SGCZ: variants seen among roughly 807,000 people sequenced by gnomAD.
SGCZ encodes the protein zeta-sarcoglycan.
SGCZ carries 40 observed loss-of-function variants against 41.3 expected under a neutral mutation model. The ratio of observed to expected loss-of-function variants is 0.97; its 90% CI spans 0.75 to 1.26. The LOEUF (loss-of-function observed/expected upper bound fraction) is 1.26, where lower values mean the gene tolerates loss of function less well. SGCZ is among the 50% of genes most tolerant of loss of function. The pLI is 0.00. For synonymous variants in SGCZ, 206 were observed against 137.5 expected (o/e 1.50, Z -3.49); for missense variants, 552 against 369.8 (o/e 1.49, Z -4.04).
intron 1 of SGCZ, among the ~76,000 whole-genome samples, chr8:14,963,380 C>T (rs1441397499): frequency 6.6e-6 from 1 of 151,388 alleles, no homozygotes; most frequent in Non-Finnish European, 1.5e-5. Context: ...ACTCTATTGC[C>T]GAGCCTGGAG....
rs183326411 is a variant in SGCZ at position 14,090,109 on chromosome 8, G to A, written c.*334C>T. The A allele has an allele frequency of 4.9e-4, 90 of 182,754 alleles. No homozygotes were observed. The highest frequency in any genetic ancestry group is 2.0e-3 in the African/African-American group (86 of 42,810). The allele number at this position is 182,754 out of a possible 1,614,324, so 11.3% of individuals were successfully genotyped here. A position where few individuals can be genotyped will look rare whatever the true frequency, so the allele number is the denominator to read the frequency against. On this transcript the variant is annotated 3_prime_UTR_variant, in exon 8 of 8. Coordinates refer to ENST00000382080, the MANE Select transcript of SGCZ (RefSeq NM_139167.4). ...AATTTCATTTATGTAATGTATATAT[G>A]TGCAGTTCATATCCAGGTCCTGCAA...
At chr8:14,966,169 G>C (rs993279665) in intron 1 of SGCZ, among the ~76,000 whole-genome samples, 49 of 151,672 alleles carry the variant, frequency 3.2e-4, no homozygotes, top group African/African-American at 1.1e-3. Context: ...CTAGAAAACA[G>C]ATAACCAAAA....
chr8:14,370,420 C>G (rs528375414), intron 2 of SGCZ, among the ~76,000 whole-genome samples: 1 of 151,638 alleles, frequency 6.6e-6, no homozygotes, highest in African/African-American at 2.4e-5. Context: ...AAGCACAACA[C>G]GGTAATTTAT....
chr8:15,078,921 C>T (rs1242251170), intron 1 of SGCZ, among the ~76,000 whole-genome samples: 2 of 151,956 alleles, frequency 1.3e-5, no homozygotes, highest in African/African-American at 4.8e-5. Flanking sequence ...ATTTTCCTTC[C>T]CCCTCAACTT....
intron 1 of SGCZ, among the ~76,000 whole-genome samples, chr8:15,131,593 G>A (rs897243982): frequency 6.6e-6 from 1 of 152,054 alleles, no homozygotes; most frequent in Non-Finnish European, 1.5e-5. Flanking sequence ...TAAATATTCT[G>A]GGTCTTTTTT....
At chr8:14,510,351 G>C (rs537501809) in intron 2 of SGCZ, among the ~76,000 whole-genome samples, 15 of 151,866 alleles carry the variant, frequency 9.9e-5, no homozygotes, top group Admixed American at 7.2e-4. Flanking sequence ...CCTCCCATTG[G>C]AATTAAATTA....
chr8:15,142,662 G>GC, intron 1 of SGCZ, among the ~76,000 whole-genome samples: 2 of 107,586 alleles, frequency 1.9e-5, no homozygotes, highest in East Asian at 2.7e-4. Flanking sequence ...AATGCTTCCC[G>GC]CCCCCACCCC....
intron 4 of SGCZ, among the ~76,000 whole-genome samples, chr8:14,208,915 C>T (rs1454109288): frequency 1.3e-5 from 2 of 152,034 alleles, no homozygotes; most frequent in African/African-American, 4.8e-5. Flanking sequence ...AAGGTAGCCC[C>T]CAAATTATTT....
rs529373959 is a variant in SGCZ at position 15,237,213 on chromosome 8, C to A, written c.39+372G>T. ...TGGCGGCGCAGCTCGGACAACTTTG[C>A]TGGGAAAGCAGGCGACAGCGGGCAG... On this transcript the variant is annotated intron_variant, in intron 1 of 7. Coordinates refer to ENST00000382080, the MANE Select transcript of SGCZ (RefSeq NM_139167.4). Among the ~76,000 whole-genome samples, 19 of 151,926 alleles carry A rather than the reference C, an allele frequency of 1.3e-4. No individual in the cohort carries two copies. In the South Asian group the frequency reaches 3.9e-3, roughly 31 times the overall value.
chr8:14,114,005 CCTT>C (rs1189280536), intron 5 of SGCZ, among the ~76,000 whole-genome samples: 24 of 151,976 alleles, frequency 1.6e-4, no homozygotes, highest in East Asian at 1.9e-4. Flanking sequence ...GCTTGCTTCT[CCTT>C]CTGCCCAGTT....
chr8:14,939,656 A>ATT (rs1800204227), intron 1 of SGCZ, among the ~76,000 whole-genome samples: 2 of 152,174 alleles, frequency 1.3e-5, no homozygotes, highest in Non-Finnish European at 2.9e-5. Context: ...GTATTATCAT[A>ATT]TGTAAATATT....
At chr8:14,819,374 T>C (rs529741040) in intron 1 of SGCZ, among the ~76,000 whole-genome samples, 13 of 152,252 alleles carry the variant, frequency 8.5e-5, no homozygotes. Flanking sequence ...AGCAAATAGT[T>C]TGTTTTTTCC....
At chr8:15,100,520 T>G (rs183996544) in intron 1 of SGCZ, among the ~76,000 whole-genome samples, 20 of 152,272 alleles carry the variant, frequency 1.3e-4, no homozygotes, top group African/African-American at 4.6e-4. Flanking sequence ...AGAAGTTAGT[T>G]TTTCCCAACT....
Position 14,559,744 on chromosome 8 carries a change from T to C in SGCZ, c.40-4818A>G, listed in dbSNP as rs896637075. The stretch of plus-strand genomic sequence containing the variant: ...ACAATAAAAATAATTGGATAAGCTA[T>C]TAAAATATCATAATTTTAAATGAAT... On this transcript the variant is annotated intron_variant, in intron 1 of 7. Transcript: ENST00000382080. Among the ~76,000 whole-genome samples, 20 of 152,146 alleles carry C rather than the reference T, an allele frequency of 1.3e-4. 1 individual carries two copies. Among genetic ancestry groups the C allele is most frequent in the Non-Finnish European group, 1.5e-5 (1 of 68,020 alleles).
At chr8:14,309,064 T>TA (rs2116992273) in intron 3 of SGCZ, 1 of 1,406,668 alleles carries the variant, frequency 7.1e-7, no homozygotes, top group South Asian at 1.2e-5. Flanking sequence ...ATTCCCCAAC[T>TA]ACAGAAGAGG....
chr8:14,834,477 T>C lies in SGCZ; in HGVS notation c.40-279551A>G, dbSNP rs117317482. On this transcript the variant is annotated intron_variant, in intron 1 of 7. Coordinates refer to ENST00000382080, the MANE Select transcript of SGCZ (RefSeq NM_139167.4). The stretch of plus-strand genomic sequence containing the variant: ...TGAATGAGGTCCCTCCTTAACATAG[T>C]TGCTCAGGAATTCAGGCTGCCAAAG... 1.6e-4 allele frequency among the ~76,000 whole-genome samples: 24 copies of C among 152,266 alleles called. No homozygotes were observed. In the South Asian group the frequency reaches 3.7e-3, roughly 24 times the overall value.
chr8:14,108,268 A>C (rs769747156), intron 5 of SGCZ, 33 bp from the exon 6 acceptor site: 1 of 1,597,018 alleles, frequency 6.3e-7, no homozygotes, highest in Non-Finnish European at 8.6e-7. Flanking sequence ...AGTCAGTATA[A>C]GCAAGTCCAC....
At chr8:14,279,454 T>C (rs919723774) in intron 3 of SGCZ, among the ~76,000 whole-genome samples, 2 of 151,000 alleles carry the variant, frequency 1.3e-5, no homozygotes, top group East Asian at 4.0e-4. Flanking sequence ...GATTACACAT[T>C]TTTTTTCAAC....
chr8:14,406,570 G>T lies in SGCZ; in HGVS notation c.235-82366C>A, dbSNP rs143274689. On this transcript the variant is annotated intron_variant, in intron 2 of 7. Coordinates refer to ENST00000382080, the MANE Select transcript of SGCZ (RefSeq NM_139167.4). ...TGGCATCACATTGAGCTAAGAGGTGGAACTCTACTGCCCAGGTGGGGCTCG... is the reference window on the plus strand; with the variant it reads ...TGGCATCACATTGAGCTAAGAGGTGTAACTCTACTGCCCAGGTGGGGCTCG... 3.3e-5 allele frequency among the ~76,000 whole-genome samples: 5 copies of T among 152,188 alleles called. No homozygotes were observed. The East Asian group carries it at 5.8e-4, about 18-fold the overall frequency.
Sources: gnomAD v4.1 joint callset for allele counts (sites outside exome capture counted in the v4.1 genomes callset) on GRCh38, gnomAD v4.1.1 for gene constraint, MANE v1.5 for transcripts, NCBI Gene and HGNC (gene_info 2026-07-23, HGNC 2026-07-21) for gene names.